The following TWIST2 variants were observed in gnomAD, a reference collection of about 807,000 sequenced individuals.
TWIST2 encodes twist family bHLH transcription factor 2, also known as twist-related protein 2.
TWIST2 carries 1 observed loss-of-function variant against 11.6 expected under a neutral mutation model. That is an observed-to-expected ratio of 0.09 (90% confidence interval 0.03 to 0.41). The LOEUF (loss-of-function observed/expected upper bound fraction) is 0.41. TWIST2 is among the 10% of genes least tolerant of loss of function. The pLI, the probability that TWIST2 is intolerant of heterozygous loss-of-function variation, is 0.98. For missense variants in TWIST2, 168 were observed against 226.4 expected (o/e 0.74, Z 1.66); for synonymous variants, 87 against 96.6 (o/e 0.90, Z 0.58).
At chr2:238,860,573 C>T (rs1358870213) in intron 1 of TWIST2, among the ~76,000 whole-genome samples, 2 of 152,252 alleles carry the variant, frequency 1.3e-5, no homozygotes, top group African/African-American at 2.4e-5. Context: ...AGAATCCAAA[C>T]TGAGGGATCA....
At chr2:238,895,718 ACT>A (rs1693198463) in intron 1 of TWIST2, among the ~76,000 whole-genome samples, 1 of 152,024 alleles carries the variant, frequency 6.6e-6, no homozygotes, top group African/African-American at 2.4e-5. Context: ...GACCGGTCAG[ACT>A]CTGCGGCCTC....
intron 1 of TWIST2, among the ~76,000 whole-genome samples, chr2:238,870,903 T>C (rs1447610056): frequency 2.8e-3 from 37 of 13,108 alleles, no homozygotes; most frequent in Middle Eastern, 0.05. Flanking sequence ...ACCACATCCC[T>C]CCCACACACC....
At chr2:238,870,460 ACACACCCGACACACGC>A (rs1574754562) in intron 1 of TWIST2, among the ~76,000 whole-genome samples, 11 of 121,552 alleles carry the variant, frequency 9.0e-5, no homozygotes, top group East Asian at 2.9e-4. Context: ...CACACACACC[ACACACCCGACACACGC>A]CACACACACA....
chr2:238,884,507 G>A lies in TWIST2; in HGVS notation c.*36-25335G>A, dbSNP rs544566507. 6.6e-5 allele frequency among the ~76,000 whole-genome samples: 10 copies of A among 152,364 alleles called. No individual in the cohort carries two copies. In the East Asian group the frequency reaches 1.9e-3, roughly 29 times the overall value. ...CATAGAAGTACAGGTTTAAGCCCCAGAACAAGATTCTAGGCATGGTCTGAT... is the reference window on the plus strand; with the variant it reads ...CATAGAAGTACAGGTTTAAGCCCCAAAACAAGATTCTAGGCATGGTCTGAT... On this transcript the variant is annotated intron_variant, in intron 1 of 1. Transcript: ENST00000612363.
intron 1 of TWIST2, among the ~76,000 whole-genome samples, chr2:238,905,986 CGTGCGCGTGT>C (rs1693348717): frequency 7.1e-6 from 1 of 141,334 alleles, no homozygotes; most frequent in African/African-American, 2.7e-5. Context: ...CGCGCGTGTA[CGTGCGCGTGT>C]GTGCGTGTGC....
chr2:238,907,932 AC>A (rs1209080088), intron 1 of TWIST2, among the ~76,000 whole-genome samples: 1 of 145,490 alleles, frequency 6.9e-6, no homozygotes, highest in Non-Finnish European at 1.5e-5. Context: ...TACACCACAC[AC>A]AAACACACAT....
rs568154373 is a variant in TWIST2, at chr2:238,867,861, G to T, written c.*35+19128G>T. 8.4e-4 allele frequency among the ~76,000 whole-genome samples: 128 copies of T among 152,318 alleles called. No homozygotes were observed. Among genetic ancestry groups the T allele is most frequent in the Non-Finnish European group, 1.2e-3 (84 of 68,030 alleles). Reference sequence around the variant, plus strand: ...GGAGGGAGAGAAGTGGGAGGCAAAGGCTGGGGATGGCCGGATGGCCCTGGG... The same window carrying T: ...GGAGGGAGAGAAGTGGGAGGCAAAGTCTGGGGATGGCCGGATGGCCCTGGG... On this transcript the variant is annotated intron_variant, in intron 1 of 1. Coordinates refer to ENST00000612363, the MANE Select transcript of TWIST2 (RefSeq NM_001271893.4). This position sits in a 1 kb window ranked among gnomAD's most constrained non-coding sequence, Gnocchi z 4.8.
intron 1 of TWIST2, among the ~76,000 whole-genome samples, chr2:238,880,129 AT>A (rs1692882774): frequency 6.9e-6 from 1 of 144,216 alleles, no homozygotes; most frequent in African/African-American, 2.7e-5. Context: ...TAGCGTTAGT[AT>A]TAGTGTGTTA....
intron 1 of TWIST2, among the ~76,000 whole-genome samples, chr2:238,876,082 T>G (rs1201388918): frequency 1.3e-5 from 2 of 152,312 alleles, no homozygotes; most frequent in East Asian, 3.9e-4. Flanking sequence ...CTCAGTGAGC[T>G]GTGCTTGTCA....
intron 1 of TWIST2, among the ~76,000 whole-genome samples, chr2:238,908,026 A>G (rs1693385267): frequency 6.6e-6 from 1 of 151,144 alleles, no homozygotes; most frequent in Non-Finnish European, 1.5e-5. Flanking sequence ...CATACCACAC[A>G]AACACACCAC....
chr2:238,867,351 A>T lies in TWIST2; in HGVS notation c.*35+18618A>T, dbSNP rs143768238. Among the ~76,000 whole-genome samples the T allele has an allele frequency of 9.4e-3, 1,302 of 138,478 alleles. 28 individuals carry two copies. The highest frequency in any genetic ancestry group is 0.033 in the African/African-American group (1,219 of 36,812). 90.8% of individuals were successfully genotyped at this position (138,478 alleles called of 152,430 possible). ...TCTGGGATGGAAGATTATTCTGGGG[A>T]GTAAAATGTCCTGCCTTCAACACAC... On this transcript the variant is annotated intron_variant, in intron 1 of 1. Transcript: ENST00000612363. The surrounding 1 kb of genome is among the most constrained non-coding windows in gnomAD (Gnocchi z 4.8).
intron 1 of TWIST2, among the ~76,000 whole-genome samples, chr2:238,883,777 C>A (rs374976180): frequency 6.6e-6 from 1 of 152,104 alleles, no homozygotes; most frequent in African/African-American, 2.4e-5. Context: ...GAGAGGGAGG[C>A]GGTTTTCAGG....
In TWIST2 at chr2:238,910,122, T is replaced by G. The variant is rs1693428730; in HGVS notation, c.*316T>G. 1 of 152,184 alleles carries G rather than the reference T, an allele frequency of 6.6e-6. No individual in the cohort carries two copies. Among genetic ancestry groups the G allele is most frequent in the African/African-American group, 2.4e-5 (1 of 41,440 alleles). 9.4% of individuals were successfully genotyped at this position (152,184 alleles called of 1,614,324 possible). A position where few individuals can be genotyped will look rare whatever the true frequency, so the allele number is the denominator to read the frequency against. On this transcript the variant is annotated 3_prime_UTR_variant, in exon 2 of 2. Transcript: ENST00000612363. ...GTCTTATGTTTGGGGGGAGGTTTAT[T>G]CTTTCTGAAAATGTCTAGATTCAGG...
At chr2:238,909,592 A>AGGAAAGGGCACTCGGGGGAG (rs1693418083) in intron 1 of TWIST2, among the ~76,000 whole-genome samples, 1 of 152,042 alleles carries the variant, frequency 6.6e-6, no homozygotes, top group Non-Finnish European at 1.5e-5. Flanking sequence ...ACTCGGGGGC[A>AGGAAAGGGCACTCGGGGGAG]GGAAAGGGCA....
chr2:238,893,251 GC>G (rs1693169240), intron 1 of TWIST2, among the ~76,000 whole-genome samples: 1 of 152,128 alleles, frequency 6.6e-6, no homozygotes, highest in African/African-American at 2.4e-5. Context: ...AAAAAAGACT[GC>G]CCAATAAAAC....
chr2:238,862,026 C>T (rs1418430129), intron 1 of TWIST2, among the ~76,000 whole-genome samples: 2 of 152,194 alleles, frequency 1.3e-5, no homozygotes, highest in African/African-American at 4.8e-5. Flanking sequence ...GTGCCATGGC[C>T]CAGGCCAGCA....
chr2:238,859,671 A>T (rs1692396758), intron 1 of TWIST2, among the ~76,000 whole-genome samples: 1 of 151,962 alleles, frequency 6.6e-6, no homozygotes, highest in Admixed American at 6.6e-5. Flanking sequence ...GCGTTCACCC[A>T]TCCCTCACTT....
chr2:238,854,003 G>A (rs1311539417), intron 1 of TWIST2, among the ~76,000 whole-genome samples: 1 of 152,166 alleles, frequency 6.6e-6, no homozygotes. Context: ...GTTTTCCTCT[G>A]TTATTTGACC....
intron 1 of TWIST2, among the ~76,000 whole-genome samples, chr2:238,907,065 C>A (rs1693365287): frequency 1.3e-5 from 2 of 152,216 alleles, no homozygotes; most frequent in Non-Finnish European, 2.9e-5. Context: ...CTTCAGCGAT[C>A]CCTGCTAGAG....
Sources: allele counts gnomAD v4.1 joint callset (sites outside exome capture counted in the v4.1 genomes callset), GRCh38; gene constraint gnomAD v4.1.1; non-coding constraint Gnocchi (gnomAD v3.1); transcripts MANE v1.5; gene names NCBI Gene and HGNC (gene_info 2026-07-23, HGNC 2026-07-21).